The following ATP6V0A4 variants were observed in gnomAD, a reference collection of about 807,000 sequenced individuals.
ATP6V0A4 encodes V-type proton ATPase 116 kDa subunit a 4.
ATP6V0A4 carries 86 observed loss-of-function variants against 107.3 expected under a neutral mutation model. The observed-to-expected ratio is 0.80, with a 90% CI of 0.67 to 0.96. The LOEUF (loss-of-function observed/expected upper bound fraction) is 0.96, where lower values mean the gene tolerates loss of function less well. Ranked by LOEUF, ATP6V0A4 falls within the 40% of genes least tolerant of loss-of-function variation. The pLI is 0.00. For missense variants in ATP6V0A4, 908 were observed against 1,045.6 expected, an observed-to-expected ratio of 0.87 and a Z score of 1.81; for synonymous variants, 353 against 381.4, an observed-to-expected ratio of 0.93 and a Z score of 0.87.
intron 11 of ATP6V0A4, among the ~76,000 whole-genome samples, chr7:138,751,874 G>A (rs381433): frequency 0.26 from 39,402 of 151,942 alleles, 5,383 homozygotes; most frequent in East Asian, 0.48. Flanking sequence ...ATGGTGGCGC[G>A]TGCCTGTAGT....
intron 19 of ATP6V0A4, 35 bp from the exon 20 acceptor site, chr7:138,715,916 G>A: frequency 3.1e-6 from 5 of 1,608,494 alleles, no homozygotes; most frequent in Non-Finnish European, 4.3e-6. Flanking sequence ...ACTTCATTGA[G>A]AATTTTCTAC....
chr7:138,754,570 T>G (rs1186260402), intron 10 of ATP6V0A4, among the ~76,000 whole-genome samples: 1 of 152,122 alleles, frequency 6.6e-6, no homozygotes, highest in Non-Finnish European at 1.5e-5. Flanking sequence ...AATCTAAAAC[T>G]GAGTTGACTT....
chr7:138,714,535 G>A (rs1475535729), intron 20 of ATP6V0A4, among the ~76,000 whole-genome samples: 1 of 150,420 alleles, frequency 6.6e-6, no homozygotes, highest in East Asian at 2.0e-4. Context: ...GTGAGACCTT[G>A]TCTCTTTTAG....
chr7:138,747,538 A>C lies in ATP6V0A4; in HGVS notation c.1207T>G (p.Phe403Val). Residue 403 changes from phenylalanine to valine, a missense_variant, in exon 13 of 22, where the codon TTC becomes GTC. Phe to Val is a conservative substitution (Grantham distance 50). Transcript: ENST00000310018. ...TCTCCAAACATCACAGCGAACAGGA[A>C]GGGGAAAGTGATGATGGTGTAGGGG... is the stretch of plus-strand genomic sequence containing the variant. ...PAPYTIITFP[F>V]LFAVMFGDCG... 6.2e-7 allele frequency: 1 copy of C among 1,614,132 alleles called. No homozygotes were observed. The highest frequency in any genetic ancestry group is 8.5e-7 in the Non-Finnish European group (1 of 1,180,040).
At chr7:138,769,386 C>T (rs1405828465) in intron 3 of ATP6V0A4, 135 bp from the exon 4 acceptor site, 2 of 1,369,308 alleles carry the variant, frequency 1.5e-6, no homozygotes, top group African/African-American at 3.0e-5. Flanking sequence ...GCGATCTCAG[C>T]TCACTGTAAC....
chr7:138,785,994 C>T (rs140219247), intron 2 of ATP6V0A4, among the ~76,000 whole-genome samples, 164 bp downstream of exon 2: 60 of 152,294 alleles, frequency 3.9e-4, no homozygotes, highest in African/African-American at 1.1e-3. Context: ...CTCTAGATCA[C>T]GTCCTAGGAC....
chr7:138,716,783 G>A (rs1804063377), intron 19 of ATP6V0A4, among the ~76,000 whole-genome samples: 1 of 152,074 alleles, frequency 6.6e-6, no homozygotes, highest in African/African-American at 2.4e-5. Context: ...AGGCTGGTCT[G>A]GAACTCCTGG....
chr7:138,761,526 T>G (rs1341490097), intron 7 of ATP6V0A4, among the ~76,000 whole-genome samples: 1 of 151,222 alleles, frequency 6.6e-6, no homozygotes, highest in Non-Finnish European at 1.5e-5. Context: ...TCCCAGCTAC[T>G]CGGCTGAGGC....
chr7:138,764,453 C>T (rs1256464381), intron 5 of ATP6V0A4, among the ~76,000 whole-genome samples: 1 of 151,936 alleles, frequency 6.6e-6, no homozygotes, highest in African/African-American at 2.4e-5. Flanking sequence ...AAAGATAAAA[C>T]TTTAAAGGCT....
intron 18 of ATP6V0A4, among the ~76,000 whole-genome samples, chr7:138,727,037 C>T (rs190222328): frequency 1.2e-4 from 18 of 145,682 alleles, no homozygotes; most frequent in African/African-American, 4.3e-4. Flanking sequence ...GATTTAGTTC[C>T]TAGAAAAAAA....
rs1807649917 is a variant in ATP6V0A4 at position 138,776,182 on chromosome 7, G to A, written c.-17-4918C>T. On this transcript the variant is annotated intron_variant, in intron 2 of 21. Transcript: ENST00000310018. Reference sequence around the variant, plus strand: ...GATCAAATTAGAACGATTGTTTAGAGAACACAGGGTGAGAAATCAAACTTT... The same window carrying A: ...GATCAAATTAGAACGATTGTTTAGAAAACACAGGGTGAGAAATCAAACTTT... Among the ~76,000 whole-genome samples the A allele has an allele frequency of 3.3e-5, 5 of 152,198 alleles. No homozygotes were observed. The South Asian group carries it at 1.0e-3, about 32-fold the overall frequency.
At position 138,752,356 on chromosome 7, in the gene ATP6V0A4, C is replaced by G. The variant is rs527365522; in HGVS notation, c.1029+269G>C. Among the ~76,000 whole-genome samples the G allele has an allele frequency of 2.0e-4, 29 of 144,518 alleles. No homozygotes were observed. The South Asian group carries it at 6.2e-3, about 31-fold the overall frequency. The allele number at this position is 144,518 out of a possible 152,430, so 94.8% of individuals were successfully genotyped here. Reference sequence around the variant, plus strand: ...CTGCACAACAGCCTGGGCTACAGAGCGAGATTCTATTTTTTTTTTTTTTTT... The same window carrying G: ...CTGCACAACAGCCTGGGCTACAGAGGGAGATTCTATTTTTTTTTTTTTTTT... On this transcript the variant is annotated intron_variant, in intron 11 of 21. Coordinates refer to ENST00000310018, the MANE Select transcript of ATP6V0A4 (RefSeq NM_020632.3).
chr7:138,734,245 A>C lies in ATP6V0A4; in HGVS notation c.1582T>G (p.Leu528Val). 1.2e-6 allele frequency: 2 copies of C among 1,613,508 alleles called. No homozygotes were observed. The highest frequency in any genetic ancestry group is 1.7e-6 in the Non-Finnish European group (2 of 1,179,596). The change falls in exon 16 of 22, where the codon TTG (leucine) becomes GTG (valine). Residue 528 changes from leucine (L) to valine (V), a missense_variant. Coordinates refer to ENST00000310018, the MANE Select transcript of ATP6V0A4 (RefSeq NM_020632.3). ...AGAAATGTGAGTTTGTTTGAAGCCA[A>C]GTTCCAAATCTGGATGGGAAATGGG... ...YPFGIDPIWN[L>V]ASNKLTFLNS...
intron 15 of ATP6V0A4, among the ~76,000 whole-genome samples, chr7:138,735,974 A>G (rs1292728993): frequency 8.5e-6 from 1 of 118,024 alleles, no homozygotes; most frequent in Non-Finnish European, 1.8e-5. Flanking sequence ...AGGCAGAGGC[A>G]GAAGAATCAC....
At chr7:138,782,125 A>G (rs1160800039) in intron 2 of ATP6V0A4, among the ~76,000 whole-genome samples, 8 of 152,222 alleles carry the variant, frequency 5.3e-5, no homozygotes, top group African/African-American at 1.9e-4. Flanking sequence ...ACAGAAATGT[A>G]TTATCTCAGC....
chr7:138,757,226 A>C (rs1255280347), intron 8 of ATP6V0A4, among the ~76,000 whole-genome samples: 1 of 152,196 alleles, frequency 6.6e-6, no homozygotes, highest in African/African-American at 2.4e-5. Flanking sequence ...GTAAAATGAC[A>C]AAACCCAGAC....
chr7:138,775,489 T>C lies in ATP6V0A4; in HGVS notation c.-17-4225A>G, dbSNP rs181629270. ...TAGATTGTCTGTGATTTGCATTTTT[T>C]TTTAAGAGGCAGGGTCTTGCTCTGT... On this transcript the variant is annotated intron_variant, in intron 2 of 21. Transcript: ENST00000310018. 5.5e-3 allele frequency among the ~76,000 whole-genome samples: 840 copies of C among 152,178 alleles called. 7 individuals carry two copies. Among genetic ancestry groups the C allele is most frequent in the Non-Finnish European group, 7.9e-3 (538 of 67,998 alleles).
At chr7:138,789,585 T>C (rs889213532) in intron 1 of ATP6V0A4, among the ~76,000 whole-genome samples, 15 of 151,884 alleles carry the variant, frequency 9.9e-5, no homozygotes, top group African/African-American at 3.4e-4. Context: ...TTCCCTGATA[T>C]TGAACATTTT....
rs879773709 is a variant in ATP6V0A4 at position 138,720,642 on chromosome 7, AT to A, written c.2139+1254del. Among the ~76,000 whole-genome samples the A allele has an allele frequency of 4.4e-3, 635 of 143,594 alleles. 4 individuals carry two copies. The highest frequency in any genetic ancestry group is 0.01 in the East Asian group (50 of 4,812). The allele number at this position is 143,594 out of a possible 152,430, so 94.2% of individuals were successfully genotyped here. A position where few individuals can be genotyped will look rare whatever the true frequency, so the allele number is the denominator to read the frequency against. On this transcript the variant is annotated intron_variant, in intron 19 of 21. Coordinates refer to ENST00000310018, the MANE Select transcript of ATP6V0A4 (RefSeq NM_020632.3). ...TCATTAATTCTAATTAATCAAGATAATTTTTTTTTTTTCCAGACAGTCTTGC... is the reference window on the plus strand; with the variant it reads ...TCATTAATTCTAATTAATCAAGATAATTTTTTTTTTTCCAGACAGTCTTGC...
Sources: gnomAD v4.1 joint callset for allele counts (sites outside exome capture counted in the v4.1 genomes callset) on GRCh38, gnomAD v4.1.1 for gene constraint, MANE v1.5 for transcripts, NCBI Gene and HGNC (gene_info 2026-07-23, HGNC 2026-07-21) for gene names.